The following COL4A4 variants were observed in gnomAD, a reference collection of about 807,000 sequenced individuals.
COL4A4 encodes the protein collagen alpha-4(IV) chain.
In COL4A4, 105 loss-of-function variants were observed where a neutral mutation model predicts 192.9. The ratio of observed to expected loss-of-function variants is 0.54; its 90% CI spans 0.46 to 0.64. The LOEUF is 0.64. Among genes scored for constraint, COL4A4 ranks in the 30% least tolerant of loss-of-function variants. The pLI is 0.00. For missense variants in COL4A4, 1,967 were observed against 2,169.3 expected (o/e 0.91, Z 1.85); for synonymous variants, 762 against 769.9 (o/e 0.99, Z 0.17).
chr2:227,126,642 T>C (rs2062107443), intron 4 of COL4A4, among the ~76,000 whole-genome samples: 1 of 152,346 alleles, frequency 6.6e-6, no homozygotes, highest in African/African-American at 2.4e-5. Flanking sequence ...TTTTAATAAG[T>C]ATTTTGCTAC....
intron 25 of COL4A4, among the ~76,000 whole-genome samples, chr2:227,071,559 C>T (rs2058724865): frequency 6.6e-6 from 1 of 152,000 alleles, no homozygotes; most frequent in African/African-American, 2.4e-5. Context: ...ACTTAACAGA[C>T]ATTTACAGAA....
chr2:227,144,696 A>T, intron 2 of COL4A4, 138 bp from the exon 3 acceptor site: 1 of 682,184 alleles, frequency 1.5e-6, no homozygotes. Context: ...ACTTGTCATC[A>T]GTGACAAGAT....
Position 227,057,429 on chromosome 2 carries a change from T to G in COL4A4, c.2545+10A>C. Reference sequence around the variant, plus strand: ...TAAGCCCCAGACCCTTCACAGTTCTTGACACTTACCTGGGCTACCTGGATA... The same window carrying G: ...TAAGCCCCAGACCCTTCACAGTTCTGGACACTTACCTGGGCTACCTGGATA... On this transcript the variant is annotated intron_variant, in intron 29 of 47. Transcript: ENST00000396625. The G allele has an allele frequency of 6.3e-7, 1 of 1,597,658 alleles. No individual in the cohort carries two copies. The highest frequency in any genetic ancestry group is 8.5e-7 in the Non-Finnish European group (1 of 1,171,324).
intron 22 of COL4A4, among the ~76,000 whole-genome samples, chr2:227,086,135 T>C (rs2059591620): frequency 6.6e-6 from 1 of 152,134 alleles, no homozygotes; most frequent in African/African-American, 2.4e-5. Context: ...GGAAATCCCA[T>C]CCTAGGGAGC....
At chr2:227,093,819 C>T (rs1280502504) in intron 20 of COL4A4, among the ~76,000 whole-genome samples, 2 of 152,078 alleles carry the variant, frequency 1.3e-5, no homozygotes, top group African/African-American at 4.8e-5. Context: ...GCAAAATAAA[C>T]CCACCGGGCA....
At chr2:227,085,234 C>T (rs1292732597) in intron 22 of COL4A4, among the ~76,000 whole-genome samples, 3 of 152,032 alleles carry the variant, frequency 2.0e-5, no homozygotes, top group Non-Finnish European at 4.4e-5. Flanking sequence ...CAGATGCCTA[C>T]AGGGGTGGCG....
chr2:227,079,197 A>G (rs1438315818), intron 24 of COL4A4, among the ~76,000 whole-genome samples: 2 of 150,438 alleles, frequency 1.3e-5, no homozygotes, highest in Admixed American at 6.7e-5. Context: ...GTGACCTTTT[A>G]TCCTTCTACA....
chr2:226,992,382 T>C, the COL4A4 span, among the ~76,000 whole-genome samples: 1 of 152,238 alleles, frequency 6.6e-6, no homozygotes, highest in Admixed American at 6.5e-5. Context: ...TTTTCAGAGT[T>C]GGAAACAAAG....
intron 34 of COL4A4, among the ~76,000 whole-genome samples, 157 bp downstream of exon 34, chr2:227,049,910 AT>A (rs1479368304): frequency 6.6e-6 from 1 of 152,256 alleles, no homozygotes. Context: ...ACTGTAGAAT[AT>A]TTGGATCTTG....
rs1397058659 is a variant in COL4A4 at position 227,056,098 on chromosome 2, C to T, written c.2563G>A (p.Gly855Arg). The change falls in exon 30 of 48, where the codon GGA (glycine) becomes AGA (arginine). Residue 855 changes from glycine to arginine, a missense_variant. Gly to Arg is a moderately radical substitution (Grantham distance 125). Coordinates refer to ENST00000396625, the MANE Select transcript of COL4A4 (RefSeq NM_000092.5). ...GGAGGCCCCACATCTCCCGGCTGTC[C>T]TTTCCCACCTGGAGCACCTAAGACA... is the stretch of plus-strand genomic sequence containing the variant. ...PGSPGAPGGK[G>R]QPGDVGPPGP... The T allele has an allele frequency of 1.2e-6, 2 of 1,613,972 alleles. No homozygotes were observed. The highest frequency in any genetic ancestry group is 1.7e-6 in the Non-Finnish European group (2 of 1,180,034).
intron 37 of COL4A4, among the ~76,000 whole-genome samples, chr2:227,034,931 G>A (rs1368525311): frequency 5.3e-5 from 8 of 151,844 alleles, no homozygotes; most frequent in African/African-American, 1.9e-4. Flanking sequence ...ATTCCATGGT[G>A]TATAGAGCCT....
At chr2:227,101,774 T>C (rs376069941) in intron 16 of COL4A4, 91 bp downstream of exon 16, 2 of 1,151,592 alleles carry the variant, frequency 1.7e-6, no homozygotes, top group Non-Finnish European at 2.5e-6. Context: ...CTAATTACTG[T>C]GTTTGCACGC....
intron 8 of COL4A4, 107 bp downstream of exon 8, chr2:227,114,521 G>T: frequency 1.1e-6 from 1 of 878,690 alleles, no homozygotes; most frequent in Non-Finnish European, 2.0e-6. Context: ...ATAAAAATTG[G>T]TGTATTCAGG....
chr2:227,109,947 C>T (rs906510273), intron 9 of COL4A4, among the ~76,000 whole-genome samples: 4 of 152,084 alleles, frequency 2.6e-5, no homozygotes, highest in African/African-American at 4.8e-5. Context: ...CATCAGGATG[C>T]TTTTAAAGTA....
intron 44 of COL4A4, among the ~76,000 whole-genome samples, chr2:227,021,570 A>T (rs1314614761): frequency 6.6e-6 from 1 of 152,202 alleles, no homozygotes; most frequent in African/African-American, 2.4e-5. Context: ...TCATGCCTGT[A>T]ATCCCAGCAC....
At chr2:226,970,527 G>T in the COL4A4 span, among the ~76,000 whole-genome samples, 1 of 152,130 alleles carries the variant, frequency 6.6e-6, no homozygotes, top group Non-Finnish European at 1.5e-5. Context: ...CAGAGGGCAC[G>T]GAAGCAGCCT....
At chr2:227,068,085 A>G (rs1220993013) in intron 25 of COL4A4, among the ~76,000 whole-genome samples, 4 of 146,064 alleles carry the variant, frequency 2.7e-5, no homozygotes, top group Non-Finnish European at 4.5e-5. Context: ...GAATACTACA[A>G]ACACCTCTAC....
At chr2:227,157,544 T>C (rs961403563) in intron 1 of COL4A4, among the ~76,000 whole-genome samples, 1 of 151,792 alleles carries the variant, frequency 6.6e-6, no homozygotes, top group Non-Finnish European at 1.5e-5. Flanking sequence ...ACCTGAAAAC[T>C]TGGGAATATT....
At chr2:227,072,783 A>T (rs1156513524) in intron 25 of COL4A4, among the ~76,000 whole-genome samples, 1 of 152,126 alleles carries the variant, frequency 6.6e-6, no homozygotes, top group Non-Finnish European at 1.5e-5. Context: ...TCACATAAAC[A>T]TAATTAAAAA....
Sources: allele counts gnomAD v4.1 joint callset (sites outside exome capture counted in the v4.1 genomes callset), GRCh38; gene constraint gnomAD v4.1.1; transcripts MANE v1.5; gene names NCBI Gene and HGNC (gene_info 2026-07-23, HGNC 2026-07-21).